Variants in FMN2 observed in about 807,000 individuals in gnomAD.
FMN2 encodes the protein formin 2, also known as formin-2.
A neutral mutation model predicts 142.3 loss-of-function variants in FMN2; 51 were observed. That is an observed-to-expected ratio of 0.36 (90% CI 0.29 to 0.45). FMN2 has a LOEUF of 0.45. FMN2 is among the 20% of genes least tolerant of loss of function. The probability of loss-of-function intolerance (pLI) is 1.00; values close to 1 mark genes in which losing one functional copy is unlikely to be tolerated. For missense variants in FMN2, 1,936 were observed against 2,122.8 expected, an observed-to-expected ratio of 0.91 and a Z score of 1.73; for synonymous variants, 882 against 869.8, an observed-to-expected ratio of 1.01 and a Z score of -0.25.
chr1:240,155,002 G>A (rs953052582), intron 2 of FMN2, among the ~76,000 whole-genome samples: 1 of 146,946 alleles, frequency 6.8e-6, no homozygotes, highest in African/African-American at 2.5e-5. Flanking sequence ...TCCCCCCCCC[G>A]ACCTTGACCT....
chr1:240,371,201 A>AC (rs938882412), intron 14 of FMN2, among the ~76,000 whole-genome samples: 77 of 151,410 alleles, frequency 5.1e-4, no homozygotes, highest in African/African-American at 1.8e-3. Context: ...CTCAAGTGAT[A>AC]CCCCCACCTT....
At chr1:240,126,662 A>C (rs904205964) in intron 2 of FMN2, among the ~76,000 whole-genome samples, 2 of 152,196 alleles carry the variant, frequency 1.3e-5, no homozygotes, top group African/African-American at 4.8e-5. Flanking sequence ...AGAACTTTAA[A>C]AGACAAAGAT....
rs1238789189 is a variant in FMN2, at chr1:240,185,117, TTCCCCCTTCTCTTTCTCCCTCCTATACC to T, written c.1931-3088_1931-3061del. 2.3e-4 allele frequency among the ~76,000 whole-genome samples: 26 copies of T among 111,882 alleles called. 1 individual carries two copies. Among genetic ancestry groups the T allele is most frequent in the African/African-American group, 4.3e-4 (11 of 25,860 alleles). The allele number at this position is 111,882 out of a possible 152,430, so 73.4% of individuals were successfully genotyped here. On this transcript the variant is annotated intron_variant, in intron 3 of 17. Transcript: ENST00000319653. ...CCCTTCTCTTTCTCCCTCCTATACC[TTCCCCCTTCTCTTTCTCCCTCCTATACC>T]TTCCCCTTCTCTTTCTCCCTCCTAC... is the stretch of plus-strand genomic sequence containing the variant.
At chr1:240,318,419 T>TCTTTTC (rs759760577) in intron 8 of FMN2, among the ~76,000 whole-genome samples, 34 of 152,232 alleles carry the variant, frequency 2.2e-4, no homozygotes, top group Non-Finnish European at 5.9e-5. Flanking sequence ...TTTTTCTTTT[T>TCTTTTC]TTTTTCCATG....
At chr1:240,404,825 C>T (rs569055777) in intron 15 of FMN2, among the ~76,000 whole-genome samples, 7 of 152,114 alleles carry the variant, frequency 4.6e-5, no homozygotes, top group Non-Finnish European at 1.0e-4. Flanking sequence ...AGGTGGAGAT[C>T]GCTCCTGAAG....
intron 14 of FMN2, among the ~76,000 whole-genome samples, chr1:240,388,156 C>A (rs552537275): frequency 9.1e-6 from 1 of 110,292 alleles, no homozygotes; most frequent in Non-Finnish European, 1.7e-5. Context: ...CCAGCCTGGG[C>A]GACAGAGCAA....
In FMN2 at chr1:240,093,098, C is replaced by G. The variant is rs940251183; in HGVS notation, c.989C>G (p.Pro330Arg). ...GCTTTCCCATTTCCCGAGGCCGGGCCGGGGGAGGAAGCGGCCGGAGCCCCC... is the reference window on the plus strand; with the variant it reads ...GCTTTCCCATTTCCCGAGGCCGGGCGGGGGGAGGAAGCGGCCGGAGCCCCC... ...STAFPFPEAG[P>R]GEEAAGAPVR... Residue 330 changes from proline to arginine, a missense_variant, in exon 1 of 18, where the codon CCG becomes CGG. By Grantham distance (103) the Pro-to-Arg change is moderately radical. Transcript: ENST00000319653. 2 of 1,396,604 alleles carry G rather than the reference C, an allele frequency of 1.4e-6. No homozygotes were observed. Among genetic ancestry groups the G allele is most frequent in the Non-Finnish European group, 1.8e-6 (2 of 1,084,802 alleles). 86.5% of individuals were successfully genotyped at this position (1,396,604 alleles called of 1,614,324 possible).
chr1:240,138,421 C>A (rs994494653), intron 2 of FMN2, among the ~76,000 whole-genome samples: 1 of 151,918 alleles, frequency 6.6e-6, no homozygotes, highest in Admixed American at 6.6e-5. Context: ...ACATGTGGGC[C>A]GAGCACGGTG....
At chr1:240,258,137 C>T (rs10926182) in intron 7 of FMN2, 105 bp downstream of exon 7, 309,977 of 821,302 alleles carry the variant, frequency 0.38, 61,269 homozygotes, top group Admixed American at 0.59. Context: ...CTGTGTAAAC[C>T]GAGGTTAGTA....
At chr1:240,418,378 G>C (rs1232016691) in intron 15 of FMN2, among the ~76,000 whole-genome samples, 6 of 151,666 alleles carry the variant, frequency 4.0e-5, no homozygotes, top group African/African-American at 1.5e-4. Flanking sequence ...TGTATTTTTA[G>C]TAGAGACGGG....
intron 16 of FMN2, among the ~76,000 whole-genome samples, chr1:240,446,105 A>G (rs1675801632): frequency 6.6e-6 from 1 of 152,206 alleles, no homozygotes; most frequent in African/African-American, 2.4e-5. Context: ...CTGAGGAAAG[A>G]TATGAAAACC....
At chr1:240,264,086 CCAAA>C (rs774691187) in intron 7 of FMN2, among the ~76,000 whole-genome samples, 4 of 151,946 alleles carry the variant, frequency 2.6e-5, no homozygotes, top group East Asian at 3.9e-4. Flanking sequence ...GATTGCTTTC[CCAAA>C]CAGTTTATTT....
chr1:240,213,417 T>A (rs970339742), intron 6 of FMN2, among the ~76,000 whole-genome samples: 6 of 152,314 alleles, frequency 3.9e-5, no homozygotes, highest in African/African-American at 1.4e-4. Flanking sequence ...AAGATTTTTT[T>A]AAATGTATGT....
At chr1:240,442,176 A>T (rs777410718) in intron 16 of FMN2, among the ~76,000 whole-genome samples, 4 of 151,824 alleles carry the variant, frequency 2.6e-5, no homozygotes, top group Non-Finnish European at 4.4e-5. Flanking sequence ...TTTCTTCCCA[A>T]CCCACCACCC....
intron 14 of FMN2, among the ~76,000 whole-genome samples, chr1:240,371,468 A>G (rs1672863968): frequency 6.6e-6 from 1 of 152,114 alleles, no homozygotes; most frequent in Non-Finnish European, 1.5e-5. Flanking sequence ...ACTGACGTGA[A>G]TCTTCCAGTT....
intron 2 of FMN2, chr1:240,143,937 A>T: frequency 6.7e-7 from 1 of 1,491,300 alleles, no homozygotes; most frequent in Non-Finnish European, 9.4e-7. Flanking sequence ...CCAAAGATGG[A>T]ACCAAGTCTC....
rs549825161 is a variant in FMN2 at position 240,255,049 on chromosome 1, C to T, written c.4066-2896C>T. Among the ~76,000 whole-genome samples the T allele has an allele frequency of 2.0e-5, 3 of 152,270 alleles. No individual in the cohort carries two copies. In the East Asian group the frequency reaches 5.8e-4, roughly 30 times the overall value. ...AGGCCGCGGGGTTCTCCCATGGCTA[C>T]GATTGCAGGAGTCTGTGGTGGAAAT... On this transcript the variant is annotated intron_variant, in intron 6 of 17. Coordinates refer to ENST00000319653, the MANE Select transcript of FMN2 (RefSeq NM_020066.5).
intron 14 of FMN2, among the ~76,000 whole-genome samples, chr1:240,390,701 T>C (rs966869959): frequency 6.6e-6 from 1 of 152,216 alleles, no homozygotes; most frequent in African/African-American, 2.4e-5. Flanking sequence ...CCGTGCTAAG[T>C]ATTTTGTACA....
At chr1:240,204,819 AT>A in intron 4 of FMN2, among the ~76,000 whole-genome samples, 1 of 152,268 alleles carries the variant, frequency 6.6e-6, no homozygotes, top group South Asian at 2.1e-4. Context: ...TTTTTATCAC[AT>A]CTATCATAGC....
Sources: allele counts gnomAD v4.1 joint callset (sites outside exome capture counted in the v4.1 genomes callset), GRCh38; gene constraint gnomAD v4.1.1; transcripts MANE v1.5; gene names NCBI Gene and HGNC (gene_info 2026-07-23, HGNC 2026-07-21).